KLF11: variants seen among roughly 807,000 people sequenced by gnomAD.
KLF11 encodes the protein KLF transcription factor 11.
KLF11 carries 26 observed loss-of-function variants against 29.9 expected under a neutral mutation model. The observed-to-expected ratio is 0.87, with a 90% CI of 0.64 to 1.21. The LOEUF (loss-of-function observed/expected upper bound fraction) is 1.21, where lower values mean the gene tolerates loss of function less well. Among genes scored for constraint, KLF11 ranks in the 50% most tolerant of loss-of-function variants. KLF11 has a pLI of 0.00. For synonymous variants in KLF11, 318 were observed against 257.4 expected (o/e 1.24, Z -2.25); for missense variants, 778 against 665.7 (o/e 1.17, Z -1.86).
chr2:10,046,412 C>G lies in KLF11; in HGVS notation c.305C>G (p.Ser102Trp), dbSNP rs576350323. The G allele has an allele frequency of 2.0e-5, 33 of 1,613,826 alleles. No homozygotes were observed. Among genetic ancestry groups the G allele is most frequent in the African/African-American group, 1.3e-5 (1 of 74,916 alleles). ...PELPKDFHSLSTLCITPPQSP... is the reference protein window; with the variant it reads ...PELPKDFHSLWTLCITPPQSP... ...CTACCAAAAGACTTCCATTCTTTAT[C>G]GACTCTGGTAAGAGGAGGTGGGAGG... is the stretch of plus-strand genomic sequence containing the variant. Residue 102 changes from serine to tryptophan, a missense_variant, in exon 2 of 4, where the codon TCG (serine) becomes TGG (tryptophan). Ser to Trp is a radical substitution (Grantham distance 177). Coordinates refer to ENST00000305883, the MANE Select transcript of KLF11 (RefSeq NM_003597.5).
chr2:10,043,622 G>C lies in KLF11; in HGVS notation c.-95G>C, dbSNP rs1661061081. 1 of 409,616 alleles carries C rather than the reference G, an allele frequency of 2.4e-6. No individual in the cohort carries two copies. Among genetic ancestry groups the C allele is most frequent in the Non-Finnish European group, 2.9e-6 (1 of 343,614 alleles). The allele number at this position is 409,616 out of a possible 1,614,324, so 25.4% of individuals were successfully genotyped here. A position where few individuals can be genotyped will look rare whatever the true frequency, so the allele number is the denominator to read the frequency against. The stretch of plus-strand genomic sequence containing the variant: ...GTGCCGGCCGCAGGAGCTCCGGGTT[G>C]CCGCCGCCGCCGCCGCCCGCAGCCC... On this transcript the variant is annotated 5_prime_UTR_variant, in exon 1 of 4. Coordinates refer to ENST00000305883, the MANE Select transcript of KLF11 (RefSeq NM_003597.5).
At chr2:10,044,700 C>T (rs1269701851) in intron 1 of KLF11, among the ~76,000 whole-genome samples, 1 of 148,330 alleles carries the variant, frequency 6.7e-6, no homozygotes, top group Non-Finnish European at 1.5e-5. Context: ...GGCCGGAGTG[C>T]AGTGGGCGCG....
chr2:10,044,334 G>A lies in KLF11; in HGVS notation c.42+576G>A, dbSNP rs1010834161. 37 of 969,142 alleles carry A rather than the reference G, an allele frequency of 3.8e-5. No individual in the cohort carries two copies. The African/African-American group carries it at 6.5e-4, about 17-fold the overall frequency. 60.0% of individuals were successfully genotyped at this position (969,142 alleles called of 1,614,324 possible). On this transcript the variant is annotated intron_variant, in intron 1 of 3. Transcript: ENST00000305883. ...GGCGGGAACGCGGCACGCGAGCGTT[G>A]GGGGCCCTAAGCGTCGCGACCTGGG...
chr2:10,046,501 G>C, intron 2 of KLF11, 82 bp downstream of exon 2: 1 of 1,457,910 alleles, frequency 6.9e-7, no homozygotes, highest in Non-Finnish European at 9.5e-7. Context: ...CTTGTGAGAA[G>C]ATTCCCTGGG....
Position 10,053,601 on chromosome 2 carries a change from T to C in KLF11, c.*1094T>C, listed in dbSNP as rs1661472595. On this transcript the variant is annotated 3_prime_UTR_variant, in exon 4 of 4. Transcript: ENST00000305883. ...GCCAAATACTAGAAACACAAGGAAA[T>C]GCAAGTTACGCTAAATGGCAGTAAT... 3 of 396,384 alleles carry C rather than the reference T, an allele frequency of 7.6e-6. No homozygotes were observed. Among genetic ancestry groups the C allele is most frequent in the Non-Finnish European group, 1.3e-5 (3 of 224,870 alleles). 24.6% of individuals were successfully genotyped at this position (396,384 alleles called of 1,614,324 possible).
At chr2:10,045,874 G>T (rs556075033) in intron 1 of KLF11, among the ~76,000 whole-genome samples, 33 of 152,362 alleles carry the variant, frequency 2.2e-4, no homozygotes, top group South Asian at 2.1e-4. Flanking sequence ...ATTTACCCAA[G>T]AAAAATATGA....
Position 10,048,178 on chromosome 2 carries a change from C to T in KLF11, c.841C>T (p.Pro281Ser), listed in dbSNP as rs1350719224. Reference sequence around the variant, plus strand: ...CACCCCTCTGATTTCTGTCTCTGTCCCTGCTCCCCCTGTCCTTTGCCAGAT... The same window carrying T: ...CACCCCTCTGATTTCTGTCTCTGTCTCTGCTCCCCCTGTCCTTTGCCAGAT... The part of the protein sequence containing the change: ...KTTPLISVSV[P>S]APPVLCQMIP... Residue 281 changes from proline to serine, a missense_variant, in exon 3 of 4, where the codon CCT (proline) becomes TCT (serine). Pro to Ser is a moderately conservative substitution (Grantham distance 74). Coordinates refer to ENST00000305883, the MANE Select transcript of KLF11 (RefSeq NM_003597.5). 6 of 1,614,186 alleles carry T rather than the reference C, an allele frequency of 3.7e-6. No individual in the cohort carries two copies. The highest frequency in any genetic ancestry group is 5.1e-6 in the Non-Finnish European group (6 of 1,180,040).
rs1374648386 is a variant in KLF11 at position 10,052,210 on chromosome 2, A to G, written c.1259-17A>G. The G allele has an allele frequency of 6.2e-7, 1 of 1,613,350 alleles. No individual in the cohort carries two copies. Among genetic ancestry groups the G allele is most frequent in the Non-Finnish European group, 8.5e-7 (1 of 1,179,372 alleles). ...AGCGTTTCCTTTCTCTTTAATATGTATTTTCTCACCTCACAGGGGAGAAGC... is the reference window on the plus strand; with the variant it reads ...AGCGTTTCCTTTCTCTTTAATATGTGTTTTCTCACCTCACAGGGGAGAAGC... On this transcript the variant is annotated splice_polypyrimidine_tract_variant and intron_variant, in intron 3 of 3. Transcript: ENST00000305883.
chr2:10,044,567 C>T (rs1044704105), intron 1 of KLF11: 19 of 372,338 alleles, frequency 5.1e-5, no homozygotes, highest in African/African-American at 4.2e-4. Context: ...CGGGGAACCT[C>T]GGCAGACGGA....
At chr2:10,044,227 G>C (rs957820961) in intron 1 of KLF11, 1 of 865,410 alleles carries the variant, frequency 1.2e-6, no homozygotes, top group Middle Eastern at 6.0e-4. Context: ...GCTCGGGCCT[G>C]GGGGCGGGCA....
chr2:10,049,334 G>T (rs546819404), intron 3 of KLF11, among the ~76,000 whole-genome samples: 2 of 152,370 alleles, frequency 1.3e-5, no homozygotes, highest in African/African-American at 4.8e-5. Flanking sequence ...GCAGTGGTCT[G>T]AGTGTTGCTG....
chr2:10,045,947 CTG>C (rs1297003105), intron 1 of KLF11, among the ~76,000 whole-genome samples: 3 of 152,246 alleles, frequency 2.0e-5, no homozygotes, highest in Non-Finnish European at 4.4e-5. Flanking sequence ...TTAGTTCTGT[CTG>C]TGAAATGTTG....
chr2:10,045,445 C>T (rs1463275200), intron 1 of KLF11, among the ~76,000 whole-genome samples: 1 of 151,632 alleles, frequency 6.6e-6, no homozygotes, highest in Non-Finnish European at 1.5e-5. Flanking sequence ...TGCAGTGAGC[C>T]GAGATTGTGC....
Position 10,050,892 on chromosome 2 carries a change from CTTTTTTTTTTTT to C in KLF11, c.1259-1319_1259-1308del, listed in dbSNP as rs386389509. On this transcript the variant is annotated intron_variant, in intron 3 of 3. Transcript: ENST00000305883. ...GTAAGGTAGAGTGAATAGATGCTAC[CTTTTTTTTTTTT>C]TTTTTTTTTTTTTTTGAGATGGAAT... Among the ~76,000 whole-genome samples the C allele has an allele frequency of 4.6e-4, 25 of 54,826 alleles. 1 individual carries two copies. The highest frequency in any genetic ancestry group is 1.7e-3 in the African/African-American group (23 of 13,182). 36.0% of individuals were successfully genotyped at this position (54,826 alleles called of 152,430 possible).
At position 10,053,432 on chromosome 2, in the gene KLF11, T is replaced by C. The variant is rs1487751322; in HGVS notation, c.*925T>C. On this transcript the variant is annotated 3_prime_UTR_variant, in exon 4 of 4. Coordinates refer to ENST00000305883, the MANE Select transcript of KLF11 (RefSeq NM_003597.5). Reference sequence around the variant, plus strand: ...TCTGACTCCTTTTGCTGTGGCCTTATCCGTACTATATTGTGGGTAGAGTAA... The same window carrying C: ...TCTGACTCCTTTTGCTGTGGCCTTACCCGTACTATATTGTGGGTAGAGTAA... The C allele has an allele frequency of 7.5e-6, 3 of 398,556 alleles. No individual in the cohort carries two copies. Among genetic ancestry groups the C allele is most frequent in the Non-Finnish European group, 1.3e-5 (3 of 226,094 alleles). 24.7% of individuals were successfully genotyped at this position (398,556 alleles called of 1,614,324 possible). A position where few individuals can be genotyped will look rare whatever the true frequency, so the allele number is the denominator to read the frequency against.
Position 10,053,692 on chromosome 2 carries a change from TTGGAA to T in KLF11, c.*1189_*1193del, listed in dbSNP as rs1356620201. The T allele has an allele frequency of 1.2e-5, 4 of 330,434 alleles. No individual in the cohort carries two copies. Among genetic ancestry groups the T allele is most frequent in the Non-Finnish European group, 2.2e-5 (4 of 183,192 alleles). The allele number at this position is 330,434 out of a possible 1,614,324, so 20.5% of individuals were successfully genotyped here. On this transcript the variant is annotated 3_prime_UTR_variant, in exon 4 of 4. Transcript: ENST00000305883. ...TTGTTTTGACCAAACAGAAAATTAC[TTGGAA>T]TGGTGTGTTTTACAGTCTACCTAGA...
At chr2:10,048,877 C>T (rs1418094220) in intron 3 of KLF11, among the ~76,000 whole-genome samples, 8 of 149,118 alleles carry the variant, frequency 5.4e-5, no homozygotes, top group African/African-American at 1.7e-4. Flanking sequence ...ACAGTGCCCC[C>T]TTCTGTTCAC....
rs1553312823 is a variant in KLF11, at chr2:10,043,738, G to C, written c.22G>C (p.Gly8Arg). Residue 8 changes from glycine (G) to arginine (R), a missense_variant, in exon 1 of 4, where the codon GGC becomes CGC. Gly to Arg is a moderately radical substitution (Grantham distance 125). Coordinates refer to ENST00000305883, the MANE Select transcript of KLF11 (RefSeq NM_003597.5). Reference protein sequence around the residue: MHTPDFAGPDDARAVDIM... With the variant: MHTPDFARPDDARAVDIM... ...CACGATGCACACGCCGGACTTCGCA[G>C]GCCCAGACGACGCGCGCGCAGTGAG... The C allele has an allele frequency of 1.4e-6, 2 of 1,382,242 alleles. No individual in the cohort carries two copies. The highest frequency in any genetic ancestry group is 1.9e-6 in the Non-Finnish European group (2 of 1,052,926). The allele number at this position is 1,382,242 out of a possible 1,614,324, so 85.6% of individuals were successfully genotyped here.
At position 10,047,665 on chromosome 2, in the gene KLF11, CAG is replaced by C. The variant is rs1320222581; in HGVS notation, c.331_332del (p.Ser111ProfsTer2). ...SLSTLCITPP[Q>X]SPDLVEPSTR... is the part of the protein sequence containing the mutation. Reference sequence around the variant, plus strand: ...TTTTTTTTAGTGCATAACTCCTCCTCAGAGCCCTGATCTCGTGGAGCCATCGA... The same window carrying C: ...TTTTTTTTAGTGCATAACTCCTCCTCAGCCCTGATCTCGTGGAGCCATCGA... On this transcript the variant is annotated frameshift_variant, in exon 3 of 4. Transcript: ENST00000305883. LOFTEE classifies it high-confidence loss of function. 1 of 1,613,050 alleles carries C rather than the reference CAG, an allele frequency of 6.2e-7. No individual in the cohort carries two copies.
Sources: gnomAD v4.1 joint callset for allele counts (sites outside exome capture counted in the v4.1 genomes callset) on GRCh38, gnomAD v4.1.1 for gene constraint, MANE v1.5 for transcripts, NCBI Gene and HGNC (gene_info 2026-07-23, HGNC 2026-07-21) for gene names.